Variants in DGKH observed in about 807,000 individuals in gnomAD.
DGKH encodes the protein diacylglycerol kinase eta, also known as DAG kinase eta.
DGKH carries 90 observed loss-of-function variants against 159.3 expected under a neutral mutation model. That is an observed-to-expected ratio of 0.57 (90% CI 0.48 to 0.67). DGKH has a LOEUF of 0.67. Ranked by LOEUF, DGKH falls within the 30% of genes least tolerant of loss-of-function variation. The pLI, the probability that DGKH is intolerant of heterozygous loss-of-function variation, is 0.00. For synonymous variants in DGKH, 536 were observed against 553.8 expected, an observed-to-expected ratio of 0.97 and a Z score of 0.45; for missense variants, 1,181 against 1,506.1, an observed-to-expected ratio of 0.78 and a Z score of 3.57.
At chr13:42,087,044 A>AACACACACAC (rs71298957) in intron 1 of DGKH, among the ~76,000 whole-genome samples, 4,428 of 140,070 alleles carry the variant, frequency 0.032, 66 homozygotes, top group Non-Finnish European at 0.038. Flanking sequence ...CCAGAAGGAA[A>AACACACACAC]ACACACACAC....
chr13:42,241,574 T>C lies in DGKH; in HGVS notation c.*12386T>C, dbSNP rs1958514655. The stretch of plus-strand genomic sequence containing the variant: ...GTGAACTCACATTTAAAGTTTATTT[T>C]GGGAAGGCATATATGCCTTTTGATG... On this transcript the variant is annotated 3_prime_UTR_variant, in exon 30 of 30. Transcript: ENST00000337343. 1.3e-5 allele frequency: 2 copies of C among 152,330 alleles called. No homozygotes were observed. The highest frequency in any genetic ancestry group is 2.1e-4 in the South Asian group (1 of 4,824). The allele number at this position is 152,330 out of a possible 1,614,324, so 9.4% of individuals were successfully genotyped here.
At chr13:42,123,097 GTCTATT>G (rs1272748267) in intron 1 of DGKH, among the ~76,000 whole-genome samples, 3 of 152,114 alleles carry the variant, frequency 2.0e-5, no homozygotes, top group African/African-American at 7.2e-5. Context: ...GAGGACTGTG[GTCTATT>G]TCTTAGTTAC....
chr13:42,172,247 G>C (rs1379240667), intron 11 of DGKH, among the ~76,000 whole-genome samples: 1 of 151,558 alleles, frequency 6.6e-6, no homozygotes, highest in African/African-American at 2.4e-5. Flanking sequence ...AAGTAGTTGG[G>C]ACTACAGGCG....
chr13:42,102,822 G>A (rs1954676762), intron 1 of DGKH, among the ~76,000 whole-genome samples: 4 of 152,200 alleles, frequency 2.6e-5, no homozygotes, highest in Non-Finnish European at 5.9e-5. Context: ...GTTCATTCAG[G>A]ACAAGAAATG....
At chr13:42,192,587 T>TCTCCTC in intron 16 of DGKH, among the ~76,000 whole-genome samples, 1 of 111,936 alleles carries the variant, frequency 8.9e-6, no homozygotes, top group East Asian at 5.0e-4. Flanking sequence ...TCTTCTTCTT[T>TCTCCTC]TTCCTCTTCC....
At chr13:42,227,696 T>C (rs1470792106) in intron 29 of DGKH, among the ~76,000 whole-genome samples, 2 of 152,210 alleles carry the variant, frequency 1.3e-5, no homozygotes, top group East Asian at 1.9e-4. Context: ...GTTAAATATT[T>C]ATGAAATATC....
At chr13:42,207,123 C>CTCCTTCCTTCCT (rs377514975) in intron 21 of DGKH, among the ~76,000 whole-genome samples, 1 of 52,242 alleles carries the variant, frequency 1.9e-5, no homozygotes, top group East Asian at 3.7e-4. Flanking sequence ...CTCTTTCTCT[C>CTCCTTCCTTCCT]TCCTTCCTTC....
At chr13:42,103,623 C>G (rs1204290414) in intron 1 of DGKH, among the ~76,000 whole-genome samples, 2 of 152,188 alleles carry the variant, frequency 1.3e-5, no homozygotes, top group African/African-American at 4.8e-5. Flanking sequence ...ATGCAGTCCC[C>G]CATGGCACCT....
At chr13:42,219,100 T>C (rs1957893862) in intron 26 of DGKH, 130 bp from the exon 27 acceptor site, 23 of 1,151,510 alleles carry the variant, frequency 2.0e-5, no homozygotes, top group Admixed American at 5.2e-5. Flanking sequence ...TCTCTTAATA[T>C]TCCTTAATTT....
intron 11 of DGKH, 46 bp from the exon 12 acceptor site, chr13:42,174,014 T>G: frequency 6.7e-7 from 1 of 1,482,268 alleles, no homozygotes; most frequent in Middle Eastern, 1.7e-4. Flanking sequence ...AGTTAGTTTA[T>G]CCAATTTTAA....
intron 12 of DGKH, among the ~76,000 whole-genome samples, chr13:42,174,865 C>T (rs184006384): frequency 4.6e-5 from 7 of 152,242 alleles, no homozygotes; most frequent in Admixed American, 1.3e-4. Flanking sequence ...GACACTGTGG[C>T]CGGCCCCTAC....
At chr13:42,197,269 AAG>A (rs1957225838) in intron 17 of DGKH, among the ~76,000 whole-genome samples, 1 of 146,340 alleles carries the variant, frequency 6.8e-6, no homozygotes, top group Non-Finnish European at 1.5e-5. Context: ...AAAAAAAAAA[AAG>A]AAAGAAAATA....
In DGKH at chr13:42,209,420, C is replaced by G. The variant is rs751414354; in HGVS notation, c.2805C>G (p.Ile935Met). 1.1e-5 allele frequency: 18 copies of G among 1,613,226 alleles called. No homozygotes were observed. The highest frequency in any genetic ancestry group is 1.4e-5 in the Non-Finnish European group (16 of 1,179,714). Reference protein sequence around the residue: ...GEAWVQPPGIIKIVHKNRAQM... With the variant: ...GEAWVQPPGIMKIVHKNRAQM... ...CGTGGGTTCAGCCTCCAGGGATTAT[C>G]AAAATTGTGCACAAAAACAGAGCAC... Residue 935 changes from isoleucine to methionine, a missense_variant, in exon 23 of 30, where the codon ATC becomes ATG. Ile to Met is a conservative substitution (Grantham distance 10, BLOSUM62 1). Transcript: ENST00000337343.
At chr13:42,079,814 C>T (rs1266442852) in intron 1 of DGKH, among the ~76,000 whole-genome samples, 1 of 152,136 alleles carries the variant, frequency 6.6e-6, no homozygotes, top group Non-Finnish European at 1.5e-5. Flanking sequence ...CTTCTGAGTT[C>T]TTTATTTTTG....
In DGKH at chr13:42,235,946, T is replaced by G. The variant is rs193229570; in HGVS notation, c.*6758T>G. 3.2e-4 allele frequency: 49 copies of G among 152,312 alleles called. No homozygotes were observed. Among genetic ancestry groups the G allele is most frequent in the Admixed American group, 2.7e-3 (42 of 15,310 alleles). 9.4% of individuals were successfully genotyped at this position (152,312 alleles called of 1,614,324 possible). ...TTAAAATTTTTCTTATCTTTTTATATCAAAATAATTATGCTGGCTATTCAA... is the reference window on the plus strand; with the variant it reads ...TTAAAATTTTTCTTATCTTTTTATAGCAAAATAATTATGCTGGCTATTCAA... On this transcript the variant is annotated 3_prime_UTR_variant, in exon 30 of 30. Coordinates refer to ENST00000337343, the MANE Select transcript of DGKH (RefSeq NM_178009.5).
intron 5 of DGKH, among the ~76,000 whole-genome samples, chr13:42,156,065 G>A (rs1031633980): frequency 4.6e-5 from 7 of 151,904 alleles, no homozygotes; most frequent in Admixed American, 3.9e-4. Flanking sequence ...TATTCTGGTT[G>A]ATTATGGAGA....
Position 42,091,589 on chromosome 13 carries a change from C to T in DGKH, c.193-35874C>T, listed in dbSNP as rs551631034. 8.5e-5 allele frequency among the ~76,000 whole-genome samples: 13 copies of T among 152,188 alleles called. No individual in the cohort carries two copies. In the South Asian group the frequency reaches 1.9e-3, roughly 22 times the overall value. On this transcript the variant is annotated intron_variant, in intron 1 of 29. Transcript: ENST00000337343. ...CATAAATAGATAAATGGTATTACAT[C>T]GAGCTACAAAGCTCTGCATAGCAAA...
At chr13:42,105,721 G>A (rs182586151) in intron 1 of DGKH, among the ~76,000 whole-genome samples, 1 of 152,306 alleles carries the variant, frequency 6.6e-6, no homozygotes, top group East Asian at 1.9e-4. Flanking sequence ...AAGTAGATAA[G>A]GAGATTAAAC....
At chr13:42,136,002 T>C (rs563998531) in intron 3 of DGKH, among the ~76,000 whole-genome samples, 36 of 152,268 alleles carry the variant, frequency 2.4e-4, no homozygotes, top group Admixed American at 1.0e-3. Context: ...GTTTGGGTCC[T>C]GACTTGGCTA....
Sources: allele counts gnomAD v4.1 joint callset (sites outside exome capture counted in the v4.1 genomes callset), GRCh38; gene constraint gnomAD v4.1.1; transcripts MANE v1.5; gene names NCBI Gene and HGNC (gene_info 2026-07-23, HGNC 2026-07-21).